KIF15: variants seen among roughly 807,000 people sequenced by gnomAD.
KIF15 encodes the protein kinesin family member 15.
KIF15 carries 140 observed loss-of-function variants against 190.6 expected under a neutral mutation model. The observed-to-expected ratio is 0.73, with a 90% CI of 0.64 to 0.84. The LOEUF is 0.84. Among genes scored for constraint, KIF15 ranks in the 40% least tolerant of loss-of-function variants. The pLI is 0.00. For missense variants in KIF15, 1,372 were observed against 1,584.4 expected (o/e 0.87, Z 2.28); for synonymous variants, 528 against 551.3 (o/e 0.96, Z 0.59).
At chr3:44,801,582 T>C (rs112123112) in intron 12 of KIF15, 56 bp downstream of exon 12, 1 of 1,139,582 alleles carries the variant, frequency 8.8e-7, no homozygotes, top group South Asian at 1.3e-5. Context: ...TTTTGCTGTG[T>C]GGTTTTTATT....
rs561834505 is a variant in KIF15, at chr3:44,852,794, A to G, written c.*59A>G. 6.5e-6 allele frequency: 9 copies of G among 1,392,930 alleles called. No homozygotes were observed. The East Asian group carries it at 2.1e-4, about 32-fold the overall frequency. 86.3% of individuals were successfully genotyped at this position (1,392,930 alleles called of 1,614,324 possible). A position where few individuals can be genotyped will look rare whatever the true frequency, so the allele number is the denominator to read the frequency against. ...TTGAAGATGTTTCTTCTCTTTTACA[A>G]GTAAGACCTACTCCTGGCCACTTAG... On this transcript the variant is annotated 3_prime_UTR_variant, in exon 35 of 35. Transcript: ENST00000326047.
At chr3:44,783,118 A>T (rs1431225745) in intron 5 of KIF15, among the ~76,000 whole-genome samples, 33 of 152,180 alleles carry the variant, frequency 2.2e-4, no homozygotes, top group Admixed American at 2.2e-3. Flanking sequence ...GAGATGATGA[A>T]GGTAATTAAA....
chr3:44,793,864 C>CA (rs1706838160), intron 7 of KIF15, among the ~76,000 whole-genome samples: 1 of 146,324 alleles, frequency 6.8e-6, no homozygotes. Flanking sequence ...ATTCTTGTTC[C>CA]TTTTTTTTTC....
At chr3:44,866,535 G>C (rs907869818) in intron 6 of KIF15, among the ~76,000 whole-genome samples, 8 of 152,204 alleles carry the variant, frequency 5.3e-5, no homozygotes, top group Non-Finnish European at 1.0e-4. Flanking sequence ...TCCTGAGTCT[G>C]ATCTCTGGCC....
intron 20 of KIF15, among the ~76,000 whole-genome samples, chr3:44,820,827 G>A (rs912741153): frequency 5.9e-5 from 9 of 152,098 alleles, no homozygotes; most frequent in South Asian, 2.1e-4. Flanking sequence ...CCACAAAACC[G>A]CCATTGTCAT....
At chr3:44,837,651 C>CAT (rs1051515918) in intron 26 of KIF15, among the ~76,000 whole-genome samples, 4 of 151,742 alleles carry the variant, frequency 2.6e-5, no homozygotes, top group South Asian at 2.1e-4. Context: ...TACCTACATA[C>CAT]ATATATATAC....
At chr3:44,850,824 G>T (rs149959931) in intron 32 of KIF15, among the ~76,000 whole-genome samples, 2 of 152,090 alleles carry the variant, frequency 1.3e-5, no homozygotes. Context: ...GCAATCAACC[G>T]CTAGAAATTA....
chr3:44,858,627 T>C (rs1440855785), intron 6 of KIF15, among the ~76,000 whole-genome samples: 1 of 152,106 alleles, frequency 6.6e-6, no homozygotes, highest in African/African-American at 2.4e-5. Flanking sequence ...GGGAAGCAGA[T>C]AATTTGGTTA....
chr3:44,844,064 G>T (rs939399584), intron 30 of KIF15, among the ~76,000 whole-genome samples: 1 of 152,126 alleles, frequency 6.6e-6, no homozygotes, highest in Non-Finnish European at 1.5e-5. Flanking sequence ...GCAAGAAGTC[G>T]AATTGAATCA....
rs570241973 is a variant in KIF15, at chr3:44,786,171, G to A, written c.460-224G>A. Among the ~76,000 whole-genome samples, 118 of 152,250 alleles carry A rather than the reference G, an allele frequency of 7.8e-4. 1 individual carries two copies. In the South Asian group the frequency reaches 0.014, roughly 18 times the overall value. ...GCAGAGCTTGCAGTGAGCCAAGATC[G>A]CGCCACTGCACTGCAGCCTGGACAA... On this transcript the variant is annotated intron_variant, in intron 6 of 34. Coordinates refer to ENST00000326047, the MANE Select transcript of KIF15 (RefSeq NM_020242.3).
intron 13 of KIF15, 68 bp downstream of exon 13, chr3:44,802,042 C>A: frequency 2.7e-6 from 3 of 1,101,328 alleles, no homozygotes; most frequent in Non-Finnish European, 2.6e-6. Context: ...AGTTTGTCAG[C>A]AAGTACTTGT....
chr3:44,809,259 A>G (rs1575622778), intron 16 of KIF15, among the ~76,000 whole-genome samples: 7 of 152,290 alleles, frequency 4.6e-5, no homozygotes, highest in Admixed American at 6.5e-5. Flanking sequence ...TGTATATCCT[A>G]TTCCCTGAAA....
Position 44,786,006 on chromosome 3 carries a change from G to T in KIF15, c.460-389G>T, listed in dbSNP as rs186134738. On this transcript the variant is annotated intron_variant, in intron 6 of 34. Transcript: ENST00000326047. Reference sequence around the variant, plus strand: ...GAGGCCGAGGCAAATCACGAGGTCAGGAGATCGAGACCATCCTGGCTAACA... The same window carrying T: ...GAGGCCGAGGCAAATCACGAGGTCATGAGATCGAGACCATCCTGGCTAACA... 8.3e-4 allele frequency among the ~76,000 whole-genome samples: 127 copies of T among 152,260 alleles called. 1 individual carries two copies. The East Asian group carries it at 0.023, about 27-fold the overall frequency.
At chr3:44,864,024 C>T in intron 6 of KIF15, 2 of 646,192 alleles carry the variant, frequency 3.1e-6, no homozygotes, top group Non-Finnish European at 5.3e-6. Flanking sequence ...GGGTCTGCTG[C>T]CCACTGAGGG....
In KIF15 at chr3:44,819,004, C is replaced by A. The variant is rs145149278; in HGVS notation, c.2549+3928C>A. Among the ~76,000 whole-genome samples, 488 of 152,306 alleles carry A rather than the reference C, an allele frequency of 3.2e-3. 19 individuals carry two copies. The East Asian group carries it at 0.081, about 25-fold the overall frequency. On this transcript the variant is annotated intron_variant, in intron 20 of 34. Coordinates refer to ENST00000326047, the MANE Select transcript of KIF15 (RefSeq NM_020242.3). ...TATGTGTCCAGGAATTCATCCATTT[C>A]TTCTAGATTTTCTAGTTTATTTGCG...
intron 20 of KIF15, among the ~76,000 whole-genome samples, chr3:44,816,284 G>A (rs1708026826): frequency 6.6e-6 from 1 of 151,902 alleles, no homozygotes; most frequent in East Asian, 1.9e-4. Flanking sequence ...GGGTACATGT[G>A]CACAACGTGC....
At chr3:44,844,318 T>C (rs895283001) in intron 30 of KIF15, among the ~76,000 whole-genome samples, 1 of 152,212 alleles carries the variant, frequency 6.6e-6, no homozygotes, top group Non-Finnish European at 1.5e-5. Flanking sequence ...GCATCAGAGA[T>C]CTTATTCAGT....
chr3:44,766,760 T>C (rs145615695), intron 1 of KIF15, among the ~76,000 whole-genome samples: 112 of 152,238 alleles, frequency 7.4e-4, no homozygotes, highest in African/African-American at 2.6e-3. Context: ...CTGTTTGTCT[T>C]TGGGAACATT....
Position 44,801,695 on chromosome 3 carries a change from G to T in KIF15, c.1300-70G>T, listed in dbSNP as rs888702456. 5.6e-6 allele frequency: 6 copies of T among 1,069,650 alleles called. No homozygotes were observed. The African/African-American group carries it at 9.7e-5, about 17-fold the overall frequency. The allele number at this position is 1,069,650 out of a possible 1,614,324, so 66.3% of individuals were successfully genotyped here. ...ATTAAATATGAAATTAGTATTTGTTGCTGGACTTACGAAAATTTAGGGAAG... is the reference window on the plus strand; with the variant it reads ...ATTAAATATGAAATTAGTATTTGTTTCTGGACTTACGAAAATTTAGGGAAG... On this transcript the variant is annotated intron_variant, in intron 12 of 34. Transcript: ENST00000326047.
Sources: allele counts gnomAD v4.1 joint callset (sites outside exome capture counted in the v4.1 genomes callset), GRCh38; gene constraint gnomAD v4.1.1; transcripts MANE v1.5; gene names NCBI Gene and HGNC (gene_info 2026-07-23, HGNC 2026-07-21).